Variants in ADPGK observed in about 807,000 individuals in gnomAD.
ADPGK encodes the protein ADP dependent glucokinase.
In ADPGK, 26 loss-of-function variants were observed where a neutral mutation model predicts 42.4. That is an observed-to-expected ratio of 0.61 (90% CI 0.45 to 0.85). ADPGK has a LOEUF of 0.85. ADPGK is among the 40% of genes least tolerant of loss of function. The pLI is 0.00. For missense variants in ADPGK, 571 were observed against 627.0 expected (o/e 0.91, Z 0.95); for synonymous variants, 267 against 252.6 (o/e 1.06, Z -0.54).
intron 5 of ADPGK, 112 bp from the exon 6 acceptor site, chr15:72,755,766 C>T: frequency 1.2e-6 from 1 of 800,424 alleles, no homozygotes; most frequent in Non-Finnish European, 2.1e-6. Context: ...GCCTTCTTTG[C>T]ATGCTCACGG....
intron 5 of ADPGK, chr15:72,756,004 G>A (rs929694044): frequency 7.4e-6 from 5 of 678,640 alleles, no homozygotes; most frequent in Admixed American, 2.0e-5. Context: ...AGCCATGGTC[G>A]GTTTAGCACA....
Position 72,752,687 on chromosome 15 carries a change from G to T in ADPGK, c.1148C>A (p.Thr383Lys), listed in dbSNP as rs371767574. 6.2e-7 allele frequency: 1 copy of T among 1,614,214 alleles called. No homozygotes were observed. The highest frequency in any genetic ancestry group is 8.5e-7 in the Non-Finnish European group (1 of 1,180,050). Residue 383 changes from threonine to lysine, a missense_variant, in exon 7 of 7, where the codon ACG becomes AAG. By Grantham distance (78) the Thr-to-Lys change is moderately conservative (BLOSUM62 -1). This residue lies in a region of ADPGK where 434 missense variants were observed against 522.7 expected (regional missense o/e 0.83). Transcript: ENST00000456471. ...AGTTGCCAGGATGTGGTAGACCAGC[G>T]TGTGGAAATGGATCCTGGTGAGATC... ...ASDLTRIHFH[T>K]LVYHILATVD...
At position 72,752,809 on chromosome 15, in the gene ADPGK, A is replaced by G. The variant is rs1257103914; in HGVS notation, c.1026T>C (p.Ser342=). ...LTQSASGPHS[S]LSSWNGVPDV... The stretch of plus-strand genomic sequence containing the variant: ...CAGGAACACCGTTCCAGGAAGAGAG[A>G]GAAGAGTGAGGTCCAGAGGCTGACT... Residue 342 remains serine (S), a synonymous_variant, in exon 7 of 7, where the codon TCT becomes TCC. Transcript: ENST00000456471. 6.2e-7 allele frequency: 1 copy of G among 1,614,222 alleles called. No individual in the cohort carries two copies. Among genetic ancestry groups the G allele is most frequent in the Admixed American group, 1.7e-5 (1 of 60,022 alleles).
At position 72,760,532 on chromosome 15, in the gene ADPGK, AG is replaced by A. The variant is rs1466229592; in HGVS notation, c.523-6del. On this transcript the variant is annotated splice_region_variant and splice_polypyrimidine_tract_variant and intron_variant, in intron 3 of 6. Transcript: ENST00000456471. ...AACTGGACCGCAAAGAAGAACCTGGAGGCAAGCAACACGAAGTCCATCAGGA... is the reference window on the plus strand; with the variant it reads ...AACTGGACCGCAAAGAAGAACCTGGAGCAAGCAACACGAAGTCCATCAGGA... The A allele has an allele frequency of 6.3e-7, 1 of 1,596,804 alleles. No homozygotes were observed. The highest frequency in any genetic ancestry group is 2.3e-5 in the East Asian group (1 of 44,320).
At chr15:72,767,853 A>G (rs2066279163) in intron 3 of ADPGK, among the ~76,000 whole-genome samples, 2 of 152,224 alleles carry the variant, frequency 1.3e-5, no homozygotes, top group Non-Finnish European at 2.9e-5. Context: ...CTATATGAGA[A>G]AACAGGAAAG....
chr15:72,779,244 GT>G lies in ADPGK; in HGVS notation c.234-4148del, dbSNP rs35321622. ...AGGGGCAATAAATATTAGCATGAGG[GT>G]TTTTTTTTTTTTTTTTTTTTGAGAT... On this transcript the variant is annotated intron_variant, in intron 1 of 6. Transcript: ENST00000456471. Among the ~76,000 whole-genome samples the G allele has an allele frequency of 7.8e-3, 840 of 107,200 alleles. 5 individuals are homozygous for G. The highest frequency in any genetic ancestry group is 0.029 in the African/African-American group (786 of 27,234). 70.3% of individuals were successfully genotyped at this position (107,200 alleles called of 152,430 possible).
intron 2 of ADPGK, 48 bp from the exon 3 acceptor site, chr15:72,771,893 T>C: frequency 1.4e-6 from 2 of 1,402,108 alleles, no homozygotes; most frequent in South Asian, 1.4e-5. Flanking sequence ...TACAACTATA[T>C]CACCCAAGTT....
At chr15:72,781,897 G>C (rs1246039530) in intron 1 of ADPGK, among the ~76,000 whole-genome samples, 2 of 152,190 alleles carry the variant, frequency 1.3e-5, no homozygotes, top group Non-Finnish European at 2.9e-5. Context: ...AAAGGACCTA[G>C]TGTCCACATA....
chr15:72,757,609 T>C (rs1279981982), intron 4 of ADPGK: 1 of 159,254 alleles, frequency 6.3e-6, no homozygotes, highest in Non-Finnish European at 1.4e-5. Flanking sequence ...ATGCTGTGTC[T>C]GGCATATAGC....
In ADPGK at chr15:72,755,573, T is replaced by C. The variant is rs1214535248; in HGVS notation, c.922A>G (p.Ser308Gly). Residue 308 changes from serine to glycine, a missense_variant, in exon 6 of 7, where the codon AGC (serine) becomes GGC (glycine). Around this residue, in one of 2 missense-constraint regions of ADPGK, gnomAD observed 434 missense variants for 522.7 expected, o/e 0.83. Transcript: ENST00000456471. The stretch of plus-strand genomic sequence containing the variant: ...GAGGTTACCTGATGGACAATGCTGC[T>C]CATGAGCTCCCTGTTAGTCATACTG... ...LASMTNRELMSSIVHQQVFPA... is the reference protein window; with the variant it reads ...LASMTNRELMGSIVHQQVFPA... 2 of 1,613,658 alleles carry C rather than the reference T, an allele frequency of 1.2e-6. No individual in the cohort carries two copies. The highest frequency in any genetic ancestry group is 2.7e-5 in the African/African-American group (2 of 74,924).
chr15:72,774,167 A>T (rs1182332363), intron 2 of ADPGK, among the ~76,000 whole-genome samples: 2 of 152,212 alleles, frequency 1.3e-5, no homozygotes, highest in African/African-American at 2.4e-5. Flanking sequence ...ATCAAAATAA[A>T]AGTAGTCACA....
At position 72,779,244 on chromosome 15, in the gene ADPGK, G is replaced by GTTT. The variant is rs35321622; in HGVS notation, c.234-4150_234-4148dup. On this transcript the variant is annotated intron_variant, in intron 1 of 6. Coordinates refer to ENST00000456471, the MANE Select transcript of ADPGK (RefSeq NM_001365225.1). The stretch of plus-strand genomic sequence containing the variant: ...AGGGGCAATAAATATTAGCATGAGG[G>GTTT]TTTTTTTTTTTTTTTTTTTTTGAGA... Among the ~76,000 whole-genome samples the GTTT allele has an allele frequency of 3.6e-3, 386 of 107,096 alleles. 6 individuals are homozygous for GTTT. The highest frequency in any genetic ancestry group is 5.8e-3 in the Middle Eastern group (1 of 172). The allele number at this position is 107,096 out of a possible 152,430, so 70.3% of individuals were successfully genotyped here.
At chr15:72,771,984 C>T (rs931859117) in intron 2 of ADPGK, 139 bp from the exon 3 acceptor site, 6 of 545,614 alleles carry the variant, frequency 1.1e-5, no homozygotes, top group South Asian at 3.5e-5. Flanking sequence ...AAAGGACACA[C>T]AGATGAAGTG....
chr15:72,758,187 T>C (rs2151072953), intron 4 of ADPGK: 2 of 1,500,244 alleles, frequency 1.3e-6, no homozygotes, highest in Non-Finnish European at 1.9e-6. Context: ...AGCATATTCA[T>C]GGCCCCGTTG....
At chr15:72,760,784 G>C (rs992206154) in intron 3 of ADPGK, among the ~76,000 whole-genome samples, 2 of 152,162 alleles carry the variant, frequency 1.3e-5, no homozygotes, top group African/African-American at 4.8e-5. Context: ...ACAGCCGTCA[G>C]GCACCTATGC....
chr15:72,755,557 T>C lies in ADPGK; in HGVS notation c.938A>G (p.Gln313Arg), dbSNP rs2066100611. 1 of 1,612,482 alleles carries C rather than the reference T, an allele frequency of 6.2e-7. No individual in the cohort carries two copies. Residue 313 changes from glutamine (Q) to arginine (R), a missense_variant and splice_region_variant, in exon 6 of 7, where the codon CAG becomes CGG. Transcript: ENST00000456471. ...NRELMSSIVH[Q>R]QVFPAVTSLG... ...CAAACGATGGTCCCATGAGGTTACCTGATGGACAATGCTGCTCATGAGCTC... is the reference window on the plus strand; with the variant it reads ...CAAACGATGGTCCCATGAGGTTACCCGATGGACAATGCTGCTCATGAGCTC...
chr15:72,779,311 C>T (rs957935164), intron 1 of ADPGK, among the ~76,000 whole-genome samples: 5 of 146,210 alleles, frequency 3.4e-5, no homozygotes, highest in Non-Finnish European at 4.5e-5. Flanking sequence ...TGCAACGGCG[C>T]GATCTCGGCT....
Position 72,752,439 on chromosome 15 carries a change from G to A in ADPGK, c.1396C>T (p.Pro466Ser), listed in dbSNP as rs781675166. The A allele has an allele frequency of 2.5e-6, 4 of 1,614,220 alleles. No homozygotes were observed. Among genetic ancestry groups the A allele is most frequent in the Non-Finnish European group, 2.5e-6 (3 of 1,180,046 alleles). ...ATGGGGTCTTTACACACCAATACTG[G>A]TGTGAAGTGGAAGGATATTCCCTCT... ...HREGISFHFT[P>S]VLVCKDPIRT... is the part of the protein sequence containing the mutation. Residue 466 changes from proline to serine, a missense_variant, in exon 7 of 7, where the codon CCA (proline) becomes TCA (serine). Physicochemically the swap from Pro to Ser is moderately conservative, Grantham distance 74. This residue lies in a region of ADPGK where 434 missense variants were observed against 522.7 expected (regional missense o/e 0.83). Coordinates refer to ENST00000456471, the MANE Select transcript of ADPGK (RefSeq NM_001365225.1).
chr15:72,781,559 C>T (rs1281364161), intron 1 of ADPGK, among the ~76,000 whole-genome samples: 2 of 152,196 alleles, frequency 1.3e-5, no homozygotes, highest in Non-Finnish European at 2.9e-5. Context: ...TAAGATGCCC[C>T]ATTCCAAATG....
Sources: gnomAD v4.1 joint callset for allele counts (sites outside exome capture counted in the v4.1 genomes callset) on GRCh38, gnomAD v4.1.1 for gene constraint, gnomAD v4.1.1 regional missense constraint, MANE v1.5 for transcripts, NCBI Gene and HGNC (gene_info 2026-07-23, HGNC 2026-07-21) for gene names.